The following ENTPD3 variants were observed in gnomAD, a reference collection of about 807,000 sequenced individuals.
ENTPD3 encodes CD39 antigen-like 3.
A neutral mutation model predicts 51.2 loss-of-function variants in ENTPD3; 60 were observed. That is an observed-to-expected ratio of 1.17 (90% confidence interval 0.95 to 1.45). ENTPD3 has a LOEUF of 1.45. ENTPD3 is among the 40% of genes most tolerant of loss of function. The pLI is 0.00. For synonymous variants in ENTPD3, 221 were observed against 238.4 expected (o/e 0.93, Z 0.67); for missense variants, 593 against 641.1 (o/e 0.93, Z 0.81).
At chr3:40,394,049 A>G (rs1191179699) in intron 3 of ENTPD3, among the ~76,000 whole-genome samples, 2 of 9,470 alleles carry the variant, frequency 2.1e-4, no homozygotes, top group Non-Finnish European at 1.3e-3. Flanking sequence ...ACTCTGTCTC[A>G]AAAAAAAAAA....
At chr3:40,410,036 G>T (rs145992438) in intron 4 of ENTPD3, among the ~76,000 whole-genome samples, 31 of 152,286 alleles carry the variant, frequency 2.0e-4, no homozygotes, top group Admixed American at 1.8e-3. Flanking sequence ...AGAGAATCTA[G>T]ATGTCTCTGA....
chr3:40,427,211 G>A (rs1317644730), intron 10 of ENTPD3, 61 bp from the exon 11 acceptor site: 40 of 1,334,198 alleles, frequency 3.0e-5, no homozygotes, highest in African/African-American at 8.6e-5. Flanking sequence ...GTATGACTCC[G>A]GTATGTGATT....
chr3:40,402,078 T>C (rs1186009899), intron 4 of ENTPD3, among the ~76,000 whole-genome samples: 1 of 151,454 alleles, frequency 6.6e-6, no homozygotes. Context: ...TCATCTGCAC[T>C]GATATGAGTA....
At chr3:40,417,189 T>C (rs17079011) in intron 7 of ENTPD3, among the ~76,000 whole-genome samples, 6,720 of 152,200 alleles carry the variant, frequency 0.044, 448 homozygotes, top group African/African-American at 0.15. Flanking sequence ...AGGACAGATG[T>C]GAGAACCCTG....
chr3:40,398,627 T>TG (rs1362737987), intron 3 of ENTPD3, among the ~76,000 whole-genome samples: 1 of 152,172 alleles, frequency 6.6e-6, no homozygotes, highest in Non-Finnish European at 1.5e-5. Context: ...ACTGAAGGGC[T>TG]GAGATTAAGA....
intron 7 of ENTPD3, among the ~76,000 whole-genome samples, chr3:40,419,825 T>A (rs114793292): frequency 3.5e-3 from 530 of 152,332 alleles, no homozygotes; most frequent in African/African-American, 0.012. Flanking sequence ...TACTCTAAGA[T>A]CAGATTATGC....
intron 4 of ENTPD3, among the ~76,000 whole-genome samples, chr3:40,408,614 T>C (rs1955557643): frequency 6.6e-6 from 1 of 152,230 alleles, no homozygotes; most frequent in South Asian, 2.1e-4. Context: ...ACCTATCTCA[T>C]AGGAATATGC....
intron 7 of ENTPD3, among the ~76,000 whole-genome samples, chr3:40,416,390 G>C (rs896543993): frequency 6.6e-6 from 1 of 152,128 alleles, no homozygotes; most frequent in African/African-American, 2.4e-5. Context: ...TAAACCAGGA[G>C]CTAAATAAGC....
At chr3:40,418,993 T>C (rs923064369) in intron 7 of ENTPD3, among the ~76,000 whole-genome samples, 3 of 152,184 alleles carry the variant, frequency 2.0e-5, no homozygotes, top group Non-Finnish European at 4.4e-5. Context: ...AAAGTCAAAA[T>C]GAAAGATCCT....
chr3:40,396,601 T>C (rs1238011651), intron 3 of ENTPD3, among the ~76,000 whole-genome samples: 1 of 152,080 alleles, frequency 6.6e-6, no homozygotes, highest in Non-Finnish European at 1.5e-5. Flanking sequence ...AATGTCTGAG[T>C]CTCTTGTGTT....
chr3:40,417,894 GGTGA>G (rs1398686863), intron 7 of ENTPD3, among the ~76,000 whole-genome samples: 1 of 152,124 alleles, frequency 6.6e-6, no homozygotes, highest in Non-Finnish European at 1.5e-5. Flanking sequence ...CTTTTTCCAG[GGTGA>G]GTGAGGATCA....
At chr3:40,397,119 CTT>C (rs3064608) in intron 3 of ENTPD3, among the ~76,000 whole-genome samples, 7,119 of 101,282 alleles carry the variant, frequency 0.07, 607 homozygotes, top group African/African-American at 0.21. Context: ...TAATTAGTTT[CTT>C]TTTTTTTTTT....
intron 7 of ENTPD3, among the ~76,000 whole-genome samples, chr3:40,416,364 T>C (rs566254096): frequency 7.2e-5 from 11 of 152,284 alleles, no homozygotes; most frequent in Admixed American, 1.3e-4. Flanking sequence ...AATCCCTTTA[T>C]GGACACAAAC....
intron 2 of ENTPD3, chr3:40,391,796 T>C: frequency 1.7e-6 from 1 of 584,628 alleles, no homozygotes; most frequent in Non-Finnish European, 3.0e-6. Context: ...AACACTGTTT[T>C]AGTACACAAT....
intron 5 of ENTPD3, among the ~76,000 whole-genome samples, chr3:40,412,623 A>G (rs1955660867): frequency 6.6e-6 from 1 of 152,210 alleles, no homozygotes; most frequent in South Asian, 2.1e-4. Context: ...AGTAAAGGCT[A>G]CTACTCCAAG....
intron 4 of ENTPD3, among the ~76,000 whole-genome samples, chr3:40,406,829 T>C (rs995181979): frequency 3.3e-5 from 5 of 152,166 alleles, no homozygotes; most frequent in Admixed American, 3.3e-4. Context: ...CATTCTACAA[T>C]GTTCTAAGCA....
chr3:40,414,606 C>A, intron 5 of ENTPD3, 75 bp from the exon 6 acceptor site: 1 of 1,517,282 alleles, frequency 6.6e-7, no homozygotes, highest in Non-Finnish European at 9.0e-7. Flanking sequence ...TTTGCATTTT[C>A]ACCTGAGTGA....
intron 4 of ENTPD3, among the ~76,000 whole-genome samples, chr3:40,401,410 C>A (rs761112519): frequency 6.6e-6 from 1 of 152,120 alleles, no homozygotes; most frequent in African/African-American, 2.4e-5. Context: ...CCAATTTGCC[C>A]AGGATGATGG....
intron 2 of ENTPD3, chr3:40,391,727 T>TAAACA (rs1955060376): frequency 4.9e-6 from 2 of 412,320 alleles, no homozygotes; most frequent in Admixed American, 9.0e-5. Context: ...AATGTTATTG[T>TAAACA]AATTCATCTC....
Sources: allele counts gnomAD v4.1 joint callset (sites outside exome capture counted in the v4.1 genomes callset), GRCh38; gene constraint gnomAD v4.1.1; transcripts MANE v1.5; gene names NCBI Gene and HGNC (gene_info 2026-07-23, HGNC 2026-07-21).